The following MAPK3 variants were observed in gnomAD, a reference collection of about 807,000 sequenced individuals.
The protein encoded by MAPK3 is mitogen-activated protein kinase 3, also known as MAPK 1.
MAPK3 carries 30 observed loss-of-function variants against 41.8 expected under a neutral mutation model. The ratio of observed to expected loss-of-function variants is 0.72; its 90% CI spans 0.54 to 0.97. MAPK3 has a LOEUF of 0.97. Ranked by LOEUF, MAPK3 falls within the 50% of genes least tolerant of loss-of-function variation. The probability of loss-of-function intolerance (pLI) is 0.00; values close to 1 mark genes in which losing one functional copy is unlikely to be tolerated. For synonymous variants in MAPK3, 222 were observed against 213.4 expected, an observed-to-expected ratio of 1.04 and a Z score of -0.35; for missense variants, 413 against 509.9, an observed-to-expected ratio of 0.81 and a Z score of 1.83.
intron 1 of MAPK3, 69 bp from the exon 2 acceptor site, chr16:30,122,075 C>G (rs1229489170): frequency 6.6e-7 from 1 of 1,520,674 alleles, no homozygotes; most frequent in South Asian, 1.1e-5. Context: ...GTGGCCCCAC[C>G]CAGGCCTTGG....
rs191342631 is a variant in MAPK3 at position 30,118,368 on chromosome 16, T to C, written c.524A>G (p.Asn175Ser). Residue 175 changes from asparagine to serine, a missense_variant, in exon 3 of 9, where the codon AAC becomes AGC. Physicochemically the swap from Asn to Ser is conservative, Grantham distance 46. This residue lies in a region of MAPK3 where 140 missense variants were observed against 206.0 expected (regional missense o/e 0.68). Coordinates refer to ENST00000263025, the MANE Select transcript of MAPK3 (RefSeq NM_002746.3). ...TCTGACCTTAAGGTCGCAGGTGGTGTTGATGAGCAGGTTGGAGGGCTTTAG... is the reference window on the plus strand; with the variant it reads ...TCTGACCTTAAGGTCGCAGGTGGTGCTGATGAGCAGGTTGGAGGGCTTTAG... ...RDLKPSNLLI[N>S]TTCDLKICDF... 3 of 1,612,406 alleles carry C rather than the reference T, an allele frequency of 1.9e-6. No homozygotes were observed. Among genetic ancestry groups the C allele is most frequent in the East Asian group, 2.2e-5 (1 of 44,850 alleles).
chr16:30,121,267 C>T (rs1490723330), intron 2 of MAPK3, among the ~76,000 whole-genome samples: 1 of 152,036 alleles, frequency 6.6e-6, no homozygotes, highest in Admixed American at 6.6e-5. Flanking sequence ...CACCACCATG[C>T]CCCGCTAATT....
rs141882258 is a variant in MAPK3 at position 30,116,742 on chromosome 16, G to A, written c.1066C>T (p.Pro356Ser). The A allele has an allele frequency of 4.0e-5, 65 of 1,613,826 alleles. No homozygotes were observed. Among genetic ancestry groups the A allele is most frequent in the Non-Finnish European group, 4.7e-5 (55 of 1,180,006 alleles). Residue 356 changes from proline to serine, a missense_variant, in exon 8 of 9, where the codon CCT (proline) becomes TCT (serine). Pro to Ser is a moderately conservative substitution (Grantham distance 74). Transcript: ENST00000263025. Reference protein sequence around the residue: ...FTFAMELDDLPKERLKELIFQ... With the variant: ...FTFAMELDDLSKERLKELIFQ... ...ATGAGCTCCTTCAGCCGCTCCTTAG[G>A]TAGGTCATCCAGCTCCATGGCGAAG...
At chr16:30,118,572 G>A (rs1267286469) in intron 2 of MAPK3, 34 bp from the exon 3 acceptor site, 3 of 1,580,716 alleles carry the variant, frequency 1.9e-6, no homozygotes, top group African/African-American at 1.3e-5. Context: ...CCCAGGCAGG[G>A]GGCAGTGGGA....
rs1359827435 is a variant in MAPK3 at position 30,114,123 on chromosome 16, CTATATT to C, written c.*612_*617del. On this transcript the variant is annotated 3_prime_UTR_variant, in exon 9 of 9. Coordinates refer to ENST00000263025, the MANE Select transcript of MAPK3 (RefSeq NM_002746.3). ...GCCAGGGTCAGCCATAGACACATCT[CTATATT>C]TATATATTAGACGGGTCAGGGAGGT... is the stretch of plus-strand genomic sequence containing the variant. 1 of 152,468 alleles carries C rather than the reference CTATATT, an allele frequency of 6.6e-6. No homozygotes were observed. The highest frequency in any genetic ancestry group is 2.1e-4 in the South Asian group (1 of 4,840). 9.4% of individuals were successfully genotyped at this position (152,468 alleles called of 1,614,324 possible).
chr16:30,116,845 CCCCCTGCT>C (rs1567354344), intron 7 of MAPK3, 41 bp downstream of exon 7: 5 of 1,613,218 alleles, frequency 3.1e-6, no homozygotes, highest in South Asian at 1.1e-5. Flanking sequence ...GCCTACGTGC[CCCCCTGCT>C]CCCCTGCCCC....
rs1415229614 is a variant in MAPK3, at chr16:30,123,204, C to T, written c.6G>A (p.Ala2=). Residue 2 remains alanine, a synonymous_variant, in exon 1 of 9, where the codon GCG becomes GCA. Coordinates refer to ENST00000263025, the MANE Select transcript of MAPK3 (RefSeq NM_002746.3). ...CCCCGCCCCCCTGAGCCGCCGCCGCCGCCATCTCCACTCCTCCCCTCCCAC... is the reference window on the plus strand; with the variant it reads ...CCCCGCCCCCCTGAGCCGCCGCCGCTGCCATCTCCACTCCTCCCCTCCCAC... M[A]AAAAQGGGGG... 5 of 1,241,598 alleles carry T rather than the reference C, an allele frequency of 4.0e-6. No homozygotes were observed. The highest frequency in any genetic ancestry group is 4.3e-6 in the Non-Finnish European group (4 of 936,550). The allele number at this position is 1,241,598 out of a possible 1,614,324, so 76.9% of individuals were successfully genotyped here. A position where few individuals can be genotyped will look rare whatever the true frequency, so the allele number is the denominator to read the frequency against.
In MAPK3 at chr16:30,118,467, T is replaced by C. The variant is rs1275674122; in HGVS notation, c.425A>G (p.His142Arg). 8 of 1,613,886 alleles carry C rather than the reference T, an allele frequency of 5.0e-6. No individual in the cohort carries two copies. The highest frequency in any genetic ancestry group is 1.3e-5 in the African/African-American group (1 of 74,878). ...LLKSQQLSNDHICYFLYQILR... is the reference protein window; with the variant it reads ...LLKSQQLSNDRICYFLYQILR... ...GATCTGGTAGAGGAAGTAGCAGATA[T>C]GGTCATTGCTCAGCTGCTGGCTTTT... Residue 142 changes from histidine to arginine, a missense_variant, in exon 3 of 9, where the codon CAT becomes CGT. His to Arg is a conservative substitution (Grantham distance 29). Around this residue, in one of 4 missense-constraint regions of MAPK3, gnomAD observed 140 missense variants for 206.0 expected, o/e 0.68. Coordinates refer to ENST00000263025, the MANE Select transcript of MAPK3 (RefSeq NM_002746.3).
intron 6 of MAPK3, 29 bp downstream of exon 6, chr16:30,117,124 AT>A: frequency 6.2e-7 from 1 of 1,613,752 alleles, no homozygotes; most frequent in African/African-American, 1.3e-5. Flanking sequence ...CCCAAGGTTT[AT>A]CCCACACCCA....
At chr16:30,115,540 A>G (rs1185830857) in intron 8 of MAPK3, 2 of 152,442 alleles carry the variant, frequency 1.3e-5, no homozygotes, top group East Asian at 1.9e-4. Context: ...CAAAGCAATC[A>G]TGGCCCCACC....
intron 2 of MAPK3, 106 bp downstream of exon 2, chr16:30,121,718 T>G: frequency 8.4e-7 from 1 of 1,186,608 alleles, no homozygotes; most frequent in Admixed American, 2.3e-5. Flanking sequence ...TTACTGGGTT[T>G]GTTTTGGAGG....
rs1272004454 is a variant in MAPK3 at position 30,118,482 on chromosome 16, T to C, written c.410A>G (p.Gln137Arg). Residue 137 changes from glutamine to arginine, a missense_variant, in exon 3 of 9, where the codon CAG (glutamine) becomes CGG (arginine). Transcript: ENST00000263025. The part of the protein sequence containing the change: ...TDLYKLLKSQ[Q>R]LSNDHICYFL... ...GTAGCAGATATGGTCATTGCTCAGCTGCTGGCTTTTCAGCAACTTGTACAG... is the reference window on the plus strand; with the variant it reads ...GTAGCAGATATGGTCATTGCTCAGCCGCTGGCTTTTCAGCAACTTGTACAG... 1 of 1,614,096 alleles carries C rather than the reference T, an allele frequency of 6.2e-7. No homozygotes were observed. Among genetic ancestry groups the C allele is most frequent in the Non-Finnish European group, 8.5e-7 (1 of 1,180,014 alleles).
intron 1 of MAPK3, 74 bp from the exon 2 acceptor site, chr16:30,122,080 C>G (rs750537831): frequency 1.4e-6 from 2 of 1,470,854 alleles, no homozygotes; most frequent in South Asian, 2.3e-5. Context: ...CCCACCCAGG[C>G]CTTGGCAGGG....
chr16:30,117,872 C>G, intron 4 of MAPK3, 88 bp from the exon 5 acceptor site: 1 of 1,183,220 alleles, frequency 8.5e-7, no homozygotes, highest in Non-Finnish European at 1.3e-6. Flanking sequence ...CAAGTTAGAT[C>G]CAACACCAGG....
At chr16:30,117,887 A>C in intron 4 of MAPK3, 103 bp from the exon 5 acceptor site, 2 of 1,109,968 alleles carry the variant, frequency 1.8e-6, no homozygotes, top group Non-Finnish European at 2.7e-6. Flanking sequence ...ACCAGGCAGA[A>C]GGCAGAGGCC....
At chr16:30,118,217 C>T (rs1313193804) in intron 3 of MAPK3, 54 bp from the exon 4 acceptor site, 2 of 1,577,882 alleles carry the variant, frequency 1.3e-6, no homozygotes, top group Non-Finnish European at 1.7e-6. Context: ...GCAGCCTAAG[C>T]AGTCACGCCC....
At chr16:30,118,853 CTTGGGCCAGG>C (rs1387189302) in intron 2 of MAPK3, among the ~76,000 whole-genome samples, 1 of 152,056 alleles carries the variant, frequency 6.6e-6, no homozygotes, top group Non-Finnish European at 1.5e-5. Flanking sequence ...AGAGCAGCAA[CTTGGGCCAGG>C]AGTGGTGGCT....
At chr16:30,118,201 G>T (rs2072979212) in intron 3 of MAPK3, 38 bp from the exon 4 acceptor site, 2 of 1,592,568 alleles carry the variant, frequency 1.3e-6, no homozygotes, top group Non-Finnish European at 1.7e-6. Flanking sequence ...GGCGCTCAAG[G>T]CCTCTGCAGC....
chr16:30,118,874 C>A lies in MAPK3; in HGVS notation c.354-336G>T, dbSNP rs529406884. On this transcript the variant is annotated intron_variant, in intron 2 of 8. Transcript: ENST00000263025. The stretch of plus-strand genomic sequence containing the variant: ...GCAACTTGGGCCAGGAGTGGTGGCT[C>A]ACACCTGTAATCCCAGCACTTTGGG... Among the ~76,000 whole-genome samples the A allele has an allele frequency of 1.8e-4, 28 of 152,208 alleles. 1 individual carries two copies. In the South Asian group the frequency reaches 5.6e-3, roughly 30 times the overall value.
Sources: gnomAD v4.1 joint callset for allele counts (sites outside exome capture counted in the v4.1 genomes callset) on GRCh38, gnomAD v4.1.1 for gene constraint, gnomAD v4.1.1 regional missense constraint, MANE v1.5 for transcripts, NCBI Gene and HGNC (gene_info 2026-07-23, HGNC 2026-07-21) for gene names.